Variants in OR9Q1 observed in about 807,000 individuals in gnomAD.
OR9Q1 encodes olfactory receptor 9Q1.
For missense variants in OR9Q1, 374 were observed against 378.8 expected, an observed-to-expected ratio of 0.99 and a Z score of 0.11; for synonymous variants, 153 against 148.6, an observed-to-expected ratio of 1.03 and a Z score of -0.22.
chr11:58,127,027 T>C (rs915679722), intron 2 of OR9Q1, among the ~76,000 whole-genome samples: 2 of 152,242 alleles, frequency 1.3e-5, no homozygotes, highest in Non-Finnish European at 2.9e-5. Context: ...CTTGGCTCAC[T>C]GCAACTCCAC....
intron 2 of OR9Q1, among the ~76,000 whole-genome samples, chr11:58,163,487 G>A (rs1854474349): frequency 6.6e-6 from 1 of 152,192 alleles, no homozygotes; most frequent in African/African-American, 2.4e-5. Context: ...AAAAATGCAT[G>A]TGCAGATGCT....
intron 1 of OR9Q1, among the ~76,000 whole-genome samples, chr11:58,055,137 C>T (rs1853314946): frequency 6.6e-6 from 1 of 152,000 alleles, no homozygotes; most frequent in South Asian, 2.1e-4. Flanking sequence ...GTAGATCTTG[C>T]TCTTTGTAGA....
chr11:58,048,284 G>C (rs1324785172), intron 1 of OR9Q1, among the ~76,000 whole-genome samples: 1 of 152,126 alleles, frequency 6.6e-6, no homozygotes, highest in Non-Finnish European at 1.5e-5. Context: ...AGCAGATATG[G>C]ATTTGCGAAT....
At chr11:58,033,692 AACCTT>A (rs2119919748) in intron 1 of OR9Q1, among the ~76,000 whole-genome samples, 1 of 152,260 alleles carries the variant, frequency 6.6e-6, no homozygotes, top group East Asian at 1.9e-4. Context: ...ATAGAGTCCA[AACCTT>A]ACCATCCCAC....
At chr11:58,143,442 A>T (rs1175916462) in intron 2 of OR9Q1, among the ~76,000 whole-genome samples, 2 of 152,192 alleles carry the variant, frequency 1.3e-5, no homozygotes, top group Admixed American at 1.3e-4. Flanking sequence ...TAAGTTTTCT[A>T]ATTTGGGACC....
intron 2 of OR9Q1, among the ~76,000 whole-genome samples, chr11:58,140,961 A>C (rs934238863): frequency 2.0e-5 from 3 of 151,936 alleles, no homozygotes; most frequent in Non-Finnish European, 2.9e-5. Flanking sequence ...CTTTTATTTC[A>C]TTGAGTAGTG....
chr11:58,104,366 T>C (rs1257133610), intron 2 of OR9Q1, among the ~76,000 whole-genome samples: 1 of 151,146 alleles, frequency 6.6e-6, no homozygotes, highest in East Asian at 1.9e-4. Context: ...TTTTTTTTAA[T>C]GTAAAACATT....
intron 2 of OR9Q1, among the ~76,000 whole-genome samples, chr11:58,120,394 G>A (rs556345840): frequency 8.6e-5 from 13 of 151,766 alleles, no homozygotes; most frequent in Non-Finnish European, 1.9e-4. Flanking sequence ...TATGTCATAG[G>A]GGTCTTTTAA....
At chr11:58,170,936 A>G (rs1394059264) in intron 2 of OR9Q1, among the ~76,000 whole-genome samples, 1 of 152,170 alleles carries the variant, frequency 6.6e-6, no homozygotes, top group Admixed American at 6.6e-5. Flanking sequence ...CCTTTATTCC[A>G]TGATGTATCA....
intron 2 of OR9Q1, among the ~76,000 whole-genome samples, chr11:58,141,388 GT>G (rs1266096372): frequency 6.6e-6 from 1 of 152,154 alleles, no homozygotes; most frequent in Non-Finnish European, 1.5e-5. Flanking sequence ...TTTGACATAT[GT>G]CCCATCAATA....
At chr11:58,093,791 A>G (rs1335812852) in intron 2 of OR9Q1, among the ~76,000 whole-genome samples, 2 of 151,684 alleles carry the variant, frequency 1.3e-5, no homozygotes, top group Non-Finnish European at 2.9e-5. Context: ...AAAGACAAAA[A>G]ATAACAGATA....
chr11:58,162,563 TA>T (rs142244967), intron 2 of OR9Q1, among the ~76,000 whole-genome samples: 1 of 152,272 alleles, frequency 6.6e-6, no homozygotes, highest in Non-Finnish European at 1.5e-5. Flanking sequence ...TCTGACGCTG[TA>T]AAGAGCAGCA....
intron 2 of OR9Q1, among the ~76,000 whole-genome samples, chr11:58,068,526 G>A (rs1421999318): frequency 6.6e-6 from 1 of 152,054 alleles, no homozygotes; most frequent in Non-Finnish European, 1.5e-5. Context: ...CACTTCCCAA[G>A]TTACACCAAA....
At chr11:58,131,046 G>A (rs1854136215) in intron 2 of OR9Q1, among the ~76,000 whole-genome samples, 1 of 152,146 alleles carries the variant, frequency 6.6e-6, no homozygotes, top group Admixed American at 6.5e-5. Flanking sequence ...TTTTGGATGT[G>A]AGGAGCCTGG....
At chr11:58,048,679 A>AAAAATATATATATATAT (rs745596668) in intron 1 of OR9Q1, among the ~76,000 whole-genome samples, 37 of 131,420 alleles carry the variant, frequency 2.8e-4, no homozygotes, top group African/African-American at 8.7e-4. Context: ...TAAAAAAAAA[A>AAAAATATATATATATAT]ATATATATAT....
intron 2 of OR9Q1, among the ~76,000 whole-genome samples, chr11:58,066,423 C>T (rs559224829): frequency 1.3e-5 from 2 of 152,052 alleles, no homozygotes; most frequent in Admixed American, 6.5e-5. Flanking sequence ...GTTGTCAGAG[C>T]GTCTGTGCCT....
At chr11:58,141,016 TG>T (rs1328952262) in intron 2 of OR9Q1, among the ~76,000 whole-genome samples, 6 of 152,140 alleles carry the variant, frequency 3.9e-5, no homozygotes, top group Non-Finnish European at 7.4e-5. Context: ...CCTTGTAAGT[TG>T]GATTCCTAGG....
At chr11:58,103,340 C>T (rs997715500) in intron 2 of OR9Q1, among the ~76,000 whole-genome samples, 5 of 152,094 alleles carry the variant, frequency 3.3e-5, no homozygotes, top group African/African-American at 1.2e-4. Context: ...TACTGGGTCC[C>T]TCCCACAACA....
chr11:58,129,235 T>TTG (rs1854117367), intron 2 of OR9Q1, among the ~76,000 whole-genome samples: 1 of 114,664 alleles, frequency 8.7e-6, no homozygotes, highest in Admixed American at 8.1e-5. Flanking sequence ...GCAGAGCAAT[T>TTG]CGTGTGTGTG....
Sources: gnomAD v4.1 joint callset for allele counts (sites outside exome capture counted in the v4.1 genomes callset) on GRCh38, gnomAD v4.1.1 for gene constraint, MANE v1.5 for transcripts, NCBI Gene and HGNC (gene_info 2026-07-23, HGNC 2026-07-21) for gene names.